KHDRBS2: variants seen among roughly 807,000 people sequenced by gnomAD.
KHDRBS2 encodes KH domain-containing, RNA-binding, signal transduction-associated protein 2.
A neutral mutation model predicts 44.3 loss-of-function variants in KHDRBS2; 26 were observed. The observed-to-expected ratio is 0.59, with a 90% CI of 0.43 to 0.81. The LOEUF (loss-of-function observed/expected upper bound fraction) is 0.81, where lower values mean the gene tolerates loss of function less well. KHDRBS2 is among the 40% of genes least tolerant of loss of function. The pLI is 0.00. For synonymous variants in KHDRBS2, 194 were observed against 151.1 expected, an observed-to-expected ratio of 1.28 and a Z score of -2.08; for missense variants, 476 against 433.1, an observed-to-expected ratio of 1.10 and a Z score of -0.88.
chr6:61,548,676 A>C, the KHDRBS2 span, among the ~76,000 whole-genome samples: 19 of 152,232 alleles, frequency 1.2e-4, no homozygotes, highest in Non-Finnish European at 2.8e-4. Flanking sequence ...TGAGGGTCCA[A>C]ATGGGTGACT....
chr6:61,614,301 CATAA>C, the KHDRBS2 span, among the ~76,000 whole-genome samples: 1 of 152,140 alleles, frequency 6.6e-6, no homozygotes, highest in Non-Finnish European at 1.5e-5. Context: ...CTGGTAGTAA[CATAA>C]ATAGTCATGC....
intron 4 of KHDRBS2, among the ~76,000 whole-genome samples, chr6:61,911,221 A>G (rs148334816): frequency 2.6e-5 from 4 of 152,286 alleles, no homozygotes; most frequent in African/African-American, 4.8e-5. Flanking sequence ...TATTCAAGAC[A>G]GGGATGCATT....
At chr6:62,198,201 T>A (rs1057156436) in intron 1 of KHDRBS2, among the ~76,000 whole-genome samples, 1 of 151,918 alleles carries the variant, frequency 6.6e-6, no homozygotes, top group Non-Finnish European at 1.5e-5. Flanking sequence ...AGCAAACACA[T>A]TCAAAAGCCA....
chr6:61,672,602 G>A, the KHDRBS2 span, among the ~76,000 whole-genome samples: 48 of 151,748 alleles, frequency 3.2e-4, no homozygotes, highest in Middle Eastern at 3.4e-3. Context: ...GCCAGTGATG[G>A]TGAGCATTTT....
At position 61,757,950 on chromosome 6, in the gene KHDRBS2, C is replaced by T. The variant is rs576039227; in HGVS notation, c.811-25186G>A. Among the ~76,000 whole-genome samples, 4 of 152,250 alleles carry T rather than the reference C, an allele frequency of 2.6e-5. No homozygotes were observed. In the East Asian group the frequency reaches 7.7e-4, roughly 29 times the overall value. On this transcript the variant is annotated intron_variant, in intron 6 of 8. Transcript: ENST00000281156. ...CTCTGATATTTTAGGCAGTCATTTTCCCCCGAACTCAGTTATTTATTCCCA... is the reference window on the plus strand; with the variant it reads ...CTCTGATATTTTAGGCAGTCATTTTTCCCCGAACTCAGTTATTTATTCCCA...
chr6:62,170,974 A>T (rs1281857990), intron 2 of KHDRBS2, among the ~76,000 whole-genome samples: 1 of 148,904 alleles, frequency 6.7e-6, no homozygotes, highest in Non-Finnish European at 1.5e-5. Flanking sequence ...AAAACCAACC[A>T]AAGGACAGTG....
At chr6:62,177,374 T>C (rs1821357898) in intron 1 of KHDRBS2, 62 bp from the exon 2 acceptor site, 1 of 1,267,938 alleles carries the variant, frequency 7.9e-7, no homozygotes, top group Admixed American at 2.4e-5. Flanking sequence ...ATAAATATGC[T>C]GAAAAATGTT....
intron 6 of KHDRBS2, among the ~76,000 whole-genome samples, chr6:61,854,253 CTTG>C (rs1356855143): frequency 6.6e-6 from 1 of 151,800 alleles, no homozygotes; most frequent in Non-Finnish European, 1.5e-5. Context: ...CTTGTATTAT[CTTG>C]ATTTTTAAGT....
chr6:61,771,206 C>A (rs1041035852), intron 6 of KHDRBS2, among the ~76,000 whole-genome samples: 6 of 152,182 alleles, frequency 3.9e-5, no homozygotes, highest in Non-Finnish European at 8.8e-5. Context: ...TGGAAAGGAA[C>A]AACTGGTACC....
the KHDRBS2 span, among the ~76,000 whole-genome samples, chr6:61,617,200 T>G: frequency 9.2e-5 from 14 of 152,320 alleles, no homozygotes; most frequent in African/African-American, 3.4e-4. Context: ...TTAGAAGCAT[T>G]AAACTAGTTC....
rs144486280 is a variant in KHDRBS2 at position 62,244,284 on chromosome 6, C to G, written c.91+41574G>C. 2.5e-3 allele frequency among the ~76,000 whole-genome samples: 381 copies of G among 152,080 alleles called. 3 individuals carry two copies. Among genetic ancestry groups the G allele is most frequent in the African/African-American group, 8.4e-3 (349 of 41,518 alleles). On this transcript the variant is annotated intron_variant, in intron 1 of 8. Coordinates refer to ENST00000281156, the MANE Select transcript of KHDRBS2 (RefSeq NM_152688.4). ...TATACTTAAAAAAGTATTTATATAT[C>G]ATAAATATCATAAGTTCCATGAAAA...
intron 7 of KHDRBS2, among the ~76,000 whole-genome samples, chr6:61,727,637 T>C (rs148177789): frequency 0.018 from 2,700 of 152,194 alleles, 77 homozygotes; most frequent in African/African-American, 0.06. Flanking sequence ...CCTGAACAGA[T>C]ACTTCTCAAA....
chr6:62,139,355 A>C (rs1221591547), intron 2 of KHDRBS2, among the ~76,000 whole-genome samples: 4 of 152,028 alleles, frequency 2.6e-5, no homozygotes, highest in Admixed American at 2.6e-4. Context: ...GATCGAGACC[A>C]TCCTGGCTAA....
chr6:61,837,049 A>G (rs1792805927), intron 6 of KHDRBS2, among the ~76,000 whole-genome samples: 1 of 151,972 alleles, frequency 6.6e-6, no homozygotes, highest in South Asian at 2.1e-4. Context: ...TCATAAAAAG[A>G]TCTTAAATGT....
chr6:61,869,059 A>G (rs62414690), intron 6 of KHDRBS2, among the ~76,000 whole-genome samples: 25,406 of 152,040 alleles, frequency 0.17, 2,257 homozygotes, highest in Non-Finnish European at 0.2. Flanking sequence ...ACATTCATTC[A>G]CTGCTTCCCT....
chr6:61,786,783 G>C (rs991313189), intron 6 of KHDRBS2, among the ~76,000 whole-genome samples: 2 of 151,764 alleles, frequency 1.3e-5, no homozygotes, highest in Non-Finnish European at 2.9e-5. Context: ...CAGTAGTTTA[G>C]ATCTTTTTGC....
the KHDRBS2 span, among the ~76,000 whole-genome samples, chr6:61,598,565 C>G: frequency 6.6e-6 from 1 of 152,090 alleles, no homozygotes; most frequent in East Asian, 1.9e-4. Flanking sequence ...AAACTTTTTC[C>G]TGGGGGTAGA....
At chr6:61,986,155 C>T (rs908474244) in intron 3 of KHDRBS2, among the ~76,000 whole-genome samples, 9 of 152,106 alleles carry the variant, frequency 5.9e-5, no homozygotes, top group African/African-American at 1.7e-4. Context: ...AGGGAGACTG[C>T]GGACCTCTCA....
chr6:62,074,888 A>T (rs1423170270), intron 2 of KHDRBS2, among the ~76,000 whole-genome samples: 4 of 151,934 alleles, frequency 2.6e-5, no homozygotes, highest in Non-Finnish European at 5.9e-5. Flanking sequence ...GTATTATGCA[A>T]ACTATGACAA....
Sources: gnomAD v4.1 joint callset for allele counts (sites outside exome capture counted in the v4.1 genomes callset) on GRCh38, gnomAD v4.1.1 for gene constraint, MANE v1.5 for transcripts, NCBI Gene and HGNC (gene_info 2026-07-23, HGNC 2026-07-21) for gene names.